EVL: variants seen among roughly 807,000 people sequenced by gnomAD.
The protein encoded by EVL is ena/VASP-like protein.
EVL carries 21 observed loss-of-function variants against 59.6 expected under a neutral mutation model. The ratio of observed to expected loss-of-function variants is 0.35; its 90% CI spans 0.25 to 0.51. The LOEUF (loss-of-function observed/expected upper bound fraction) is 0.51. EVL is among the 20% of genes least tolerant of loss of function. The pLI, the probability that EVL is intolerant of heterozygous loss-of-function variation, is 0.97. For synonymous variants in EVL, 198 were observed against 203.5 expected (o/e 0.97, Z 0.23); for missense variants, 462 against 546.6 (o/e 0.85, Z 1.54).
chr14:100,053,214 A>ATT (rs1407933794), intron 1 of EVL, among the ~76,000 whole-genome samples: 1 of 152,200 alleles, frequency 6.6e-6, no homozygotes, highest in Non-Finnish European at 1.5e-5. Context: ...CAAAAGAAAG[A>ATT]TTAACATAAT....
At chr14:100,069,321 G>A (rs1443876719) in intron 1 of EVL, among the ~76,000 whole-genome samples, 2 of 152,208 alleles carry the variant, frequency 1.3e-5, no homozygotes, top group African/African-American at 4.8e-5. Context: ...CTTGGGCACA[G>A]TCATTACTGT....
chr14:100,014,183 T>C (rs1021860163), intron 1 of EVL, among the ~76,000 whole-genome samples: 4 of 152,182 alleles, frequency 2.6e-5, no homozygotes, highest in Non-Finnish European at 5.9e-5. Context: ...CCCCTGCCCA[T>C]TGGTTACCCA....
At chr14:100,002,358 A>G (rs1259961517) in intron 1 of EVL, among the ~76,000 whole-genome samples, 3 of 152,316 alleles carry the variant, frequency 2.0e-5, no homozygotes, top group South Asian at 2.1e-4. Context: ...GTAGATGACA[A>G]AAAGTTTTTA....
chr14:100,065,436 A>G lies in EVL; in HGVS notation c.-65A>G, dbSNP rs1305432667. The G allele has an allele frequency of 3.0e-6, 4 of 1,351,916 alleles. No homozygotes were observed. The highest frequency in any genetic ancestry group is 3.9e-6 in the Non-Finnish European group (4 of 1,036,696). 83.7% of individuals were successfully genotyped at this position (1,351,916 alleles called of 1,614,324 possible). A position where few individuals can be genotyped will look rare whatever the true frequency, so the allele number is the denominator to read the frequency against. Reference sequence around the variant, plus strand: ...TCAGAGGGTCTGTGGTCCTCTGATCAACATAGGCTGGTGGGAGTACAGGAC... The same window carrying G: ...TCAGAGGGTCTGTGGTCCTCTGATCGACATAGGCTGGTGGGAGTACAGGAC... On this transcript the variant is annotated 5_prime_UTR_variant, in exon 1 of 14. Transcript: ENST00000392920.
intron 1 of EVL, among the ~76,000 whole-genome samples, chr14:100,047,909 A>G (rs1046189857): frequency 6.6e-6 from 1 of 152,240 alleles, no homozygotes; most frequent in Non-Finnish European, 1.5e-5. Context: ...GAACAATTGG[A>G]CACCCTTATG....
chr14:100,006,015 C>T (rs1045127988), intron 1 of EVL, among the ~76,000 whole-genome samples: 3 of 150,588 alleles, frequency 2.0e-5, no homozygotes, highest in South Asian at 4.3e-4. Context: ...CATTTCCCCC[C>T]CCCCCCCCAC....
chr14:100,090,540 G>A (rs2062542703), intron 2 of EVL, among the ~76,000 whole-genome samples: 1 of 152,188 alleles, frequency 6.6e-6, no homozygotes, highest in Non-Finnish European at 1.5e-5. Context: ...GAACAATAAT[G>A]CAGTAAGTAA....
At chr14:99,991,455 A>G (rs2140178226) in intron 1 of EVL, among the ~76,000 whole-genome samples, 1 of 152,394 alleles carries the variant, frequency 6.6e-6, no homozygotes, top group South Asian at 2.1e-4. Flanking sequence ...AATCAGATTC[A>G]TCAAATGAAT....
intron 3 of EVL, among the ~76,000 whole-genome samples, chr14:100,101,015 G>T (rs914630904): frequency 6.6e-6 from 1 of 152,022 alleles, no homozygotes; most frequent in Non-Finnish European, 1.5e-5. Flanking sequence ...TCGCATGCTT[G>T]TCCAGTTATT....
At chr14:100,101,595 A>G (rs1007447391) in intron 3 of EVL, among the ~76,000 whole-genome samples, 1 of 152,198 alleles carries the variant, frequency 6.6e-6, no homozygotes, top group African/African-American at 2.4e-5. Context: ...GTAAGCCGAG[A>G]TTGTACCATT....
Position 100,129,698 on chromosome 14 carries a change from C to A in EVL, c.839+14C>A. On this transcript the variant is annotated intron_variant, in intron 7 of 13. Coordinates refer to ENST00000392920, the MANE Select transcript of EVL (RefSeq NM_016337.3). ...GCTGGCCAAGAGGTGGGTCTCTACA[C>A]CTCCCGAGACTTGGTGTGCCTAGCA... 6.5e-7 allele frequency: 1 copy of A among 1,544,606 alleles called. No individual in the cohort carries two copies. Among genetic ancestry groups the A allele is most frequent in the Non-Finnish European group, 8.8e-7 (1 of 1,142,190 alleles).
chr14:100,031,894 T>C (rs2061320319), intron 1 of EVL, among the ~76,000 whole-genome samples: 1 of 152,206 alleles, frequency 6.6e-6, no homozygotes, highest in Non-Finnish European at 1.5e-5. Flanking sequence ...CTGGGTCCCA[T>C]GTGCACAGAC....
In EVL at chr14:100,002,124, A is replaced by G. The variant is rs76397690; in HGVS notation, c.5+30067A>G. On this transcript the variant is annotated intron_variant, in intron 1 of 13. Transcript: ENST00000402714. ...GCAACGTTTTAAGCAAAAAGTCAAA[A>G]AGATAACTTCAGTCCACTATTAGTT... is the stretch of plus-strand genomic sequence containing the variant. Among the ~76,000 whole-genome samples, 1,744 of 152,278 alleles carry G rather than the reference A, an allele frequency of 0.011. 78 individuals are homozygous for G. In the East Asian group the frequency reaches 0.16, roughly 14 times the overall value.
chr14:100,141,884 G>A (rs908277590), intron 13 of EVL, 91 bp downstream of exon 13: 100 of 1,187,460 alleles, frequency 8.4e-5, no homozygotes, highest in Non-Finnish European at 1.1e-4. Flanking sequence ...CCAGTTTTGA[G>A]CTGGAGCCCA....
intron 1 of EVL, among the ~76,000 whole-genome samples, chr14:100,027,576 CAG>C (rs746272030): frequency 6.6e-6 from 1 of 152,156 alleles, no homozygotes; most frequent in Non-Finnish European, 1.5e-5. Flanking sequence ...CTGCAAATGA[CAG>C]AATTTCATTT....
intron 1 of EVL, among the ~76,000 whole-genome samples, chr14:99,973,675 C>T (rs185665183): frequency 3.9e-5 from 6 of 152,258 alleles, no homozygotes; most frequent in African/African-American, 9.6e-5. Flanking sequence ...GTTGGCCAGG[C>T]GGGTCTCGAA....
intron 1 of EVL, among the ~76,000 whole-genome samples, chr14:100,036,468 A>G (rs2061390137): frequency 1.3e-5 from 2 of 152,228 alleles, no homozygotes; most frequent in South Asian, 4.1e-4. Flanking sequence ...AGTAGAGTTC[A>G]GTAATGACAA....
chr14:100,112,725 C>T (rs1887083936), intron 3 of EVL, among the ~76,000 whole-genome samples: 1 of 152,200 alleles, frequency 6.6e-6, no homozygotes, highest in Non-Finnish European at 1.5e-5. Flanking sequence ...ACCACGTAAT[C>T]GCAGAGTTTG....
At chr14:99,988,825 G>A (rs1232836970) in intron 1 of EVL, among the ~76,000 whole-genome samples, 4 of 152,142 alleles carry the variant, frequency 2.6e-5, no homozygotes, top group African/African-American at 9.7e-5. Flanking sequence ...ACCACATATT[G>A]TATGATTCCA....
Sources: gnomAD v4.1 joint callset for allele counts (sites outside exome capture counted in the v4.1 genomes callset) on GRCh38, gnomAD v4.1.1 for gene constraint, MANE v1.5 for transcripts, NCBI Gene and HGNC (gene_info 2026-07-23, HGNC 2026-07-21) for gene names.